Variants in POU2AF2 observed in about 807,000 individuals in gnomAD.
POU2AF2 encodes the protein POU domain class 2-associating factor 2.
At chr11:111,251,143 T>C in the POU2AF2 span, among the ~76,000 whole-genome samples, 2 of 152,164 alleles carry the variant, frequency 1.3e-5, no homozygotes, top group African/African-American at 4.8e-5. Context: ...GCCACAGTAA[T>C]CTACATTACT....
the POU2AF2 span, among the ~76,000 whole-genome samples, chr11:111,268,539 T>TTTATTTTA: frequency 1.3e-3 from 137 of 102,098 alleles, 2 homozygotes; most frequent in African/African-American, 5.0e-3. Flanking sequence ...TTTATTTTAT[T>TTTATTTTA]TTATTTTATT....
the POU2AF2 span, chr11:111,281,259 A>G: frequency 1.6e-3 from 912 of 574,442 alleles, 26 homozygotes; most frequent in South Asian, 0.027. Flanking sequence ...TCTTATTCTC[A>G]GTTGACCTGA....
chr11:111,274,652 TTTTATATAATTTATATAATATATAAA>T, the POU2AF2 span, among the ~76,000 whole-genome samples: 5 of 150,074 alleles, frequency 3.3e-5, no homozygotes, highest in Admixed American at 1.3e-4. Flanking sequence ...CTTTGTGAGC[TTTTATATAATTTATATAATATATAAA>T]TTTATATAAT....
At chr11:111,279,478 C>T in the POU2AF2 span, among the ~76,000 whole-genome samples, 3 of 152,164 alleles carry the variant, frequency 2.0e-5, no homozygotes, top group African/African-American at 2.4e-5. Context: ...GAGAATCCTT[C>T]CTTGCCTCTT....
chr11:111,284,275 GC>G, the POU2AF2 span: 1 of 1,613,974 alleles, frequency 6.2e-7, no homozygotes. Flanking sequence ...GAGACTACCG[GC>G]CTCCGGCGCT....
the POU2AF2 span, among the ~76,000 whole-genome samples, chr11:111,258,868 T>C: frequency 1.3e-5 from 2 of 152,170 alleles, no homozygotes; most frequent in African/African-American, 2.4e-5. Flanking sequence ...ACAGCCAAGG[T>C]TTTTATCTCT....
chr11:111,284,578 A>G, the POU2AF2 span, among the ~76,000 whole-genome samples: 1 of 152,256 alleles, frequency 6.6e-6, no homozygotes, highest in Non-Finnish European at 1.5e-5. Context: ...CATGACAGCC[A>G]GGAGCGTCTA....
the POU2AF2 span, among the ~76,000 whole-genome samples, chr11:111,271,272 G>A: frequency 6.6e-6 from 1 of 151,848 alleles, no homozygotes; most frequent in East Asian, 1.9e-4. Context: ...GCAGTGAGCC[G>A]GGATCATGCC....
the POU2AF2 span, chr11:111,286,014 G>A: frequency 6.2e-7 from 1 of 1,613,866 alleles, no homozygotes; most frequent in South Asian, 1.1e-5. Context: ...GAAGATGGGA[G>A]TATTGCCTGG....
chr11:111,280,057 A>AAATATATATAT, the POU2AF2 span, among the ~76,000 whole-genome samples: 148 of 76,446 alleles, frequency 1.9e-3, 2 homozygotes, highest in African/African-American at 6.2e-3. Flanking sequence ...AAAAAAAAAA[A>AAATATATATAT]ATATATATAT....
the POU2AF2 span, chr11:111,281,538 ACT>A: frequency 0.28 from 344,969 of 1,247,192 alleles, 52,429 homozygotes; most frequent in East Asian, 0.47. Context: ...CACTTCCAAA[ACT>A]CTGCTCCTTT....
the POU2AF2 span, among the ~76,000 whole-genome samples, chr11:111,248,107 C>T: frequency 6.6e-6 from 1 of 151,956 alleles, no homozygotes; most frequent in Non-Finnish European, 1.5e-5. Context: ...AGGATGGTCT[C>T]GATCTCCTGA....
At chr11:111,255,583 T>C in the POU2AF2 span, among the ~76,000 whole-genome samples, 1 of 152,254 alleles carries the variant, frequency 6.6e-6, no homozygotes, top group Non-Finnish European at 1.5e-5. Context: ...AATACTGTTA[T>C]GCTGTAACCT....
At chr11:111,248,995 G>A in the POU2AF2 span, among the ~76,000 whole-genome samples, 2 of 152,244 alleles carry the variant, frequency 1.3e-5, no homozygotes, top group Non-Finnish European at 2.9e-5. Context: ...ATGAGAAGGA[G>A]ATGACATGAC....
At chr11:111,256,928 A>G in the POU2AF2 span, among the ~76,000 whole-genome samples, 3 of 152,224 alleles carry the variant, frequency 2.0e-5, no homozygotes, top group Non-Finnish European at 1.5e-5. Flanking sequence ...CTAGTAGGAG[A>G]TGTTCTGAGT....
At chr11:111,280,081 T>TATATATATATATATAA in the POU2AF2 span, among the ~76,000 whole-genome samples, 1 of 142,370 alleles carries the variant, frequency 7.0e-6, no homozygotes, top group African/African-American at 2.5e-5. Flanking sequence ...TATATATATA[T>TATATATATATATATAA]CTTTTGGAGG....
the POU2AF2 span, among the ~76,000 whole-genome samples, chr11:111,282,713 A>G: frequency 6.6e-6 from 1 of 152,226 alleles, no homozygotes; most frequent in African/African-American, 2.4e-5. Flanking sequence ...GAAGCTCAGA[A>G]GTGGTCTGCT....
At chr11:111,259,567 C>T in the POU2AF2 span, among the ~76,000 whole-genome samples, 2 of 152,118 alleles carry the variant, frequency 1.3e-5, no homozygotes, top group Admixed American at 6.5e-5. Flanking sequence ...CCACCCACCT[C>T]GGCCCCCCAA....
At chr11:111,257,625 C>T in the POU2AF2 span, among the ~76,000 whole-genome samples, 1 of 152,138 alleles carries the variant, frequency 6.6e-6, no homozygotes, top group Non-Finnish European at 1.5e-5. Context: ...CCACCTGCCT[C>T]GGCCTCTCAG....
Sources: gnomAD v4.1 joint callset for allele counts (sites outside exome capture counted in the v4.1 genomes callset) on GRCh38, gnomAD v4.1.1 for gene constraint, MANE v1.5 for transcripts, NCBI Gene and HGNC (gene_info 2026-07-23, HGNC 2026-07-21) for gene names.